The following DLG2 variants were observed in gnomAD, a reference collection of about 807,000 sequenced individuals.
DLG2 encodes discs large MAGUK scaffold protein 2.
In DLG2, 45 loss-of-function variants were observed where a neutral mutation model predicts 132.5. The ratio of observed to expected loss-of-function variants is 0.34; its 90% CI spans 0.27 to 0.44. The LOEUF (loss-of-function observed/expected upper bound fraction) is 0.44. DLG2 is among the 20% of genes least tolerant of loss of function. The probability of loss-of-function intolerance (pLI) is 1.00; values close to 1 mark genes in which losing one functional copy is unlikely to be tolerated. For synonymous variants in DLG2, 424 were observed against 419.6 expected, an observed-to-expected ratio of 1.01 and a Z score of -0.13; for missense variants, 1,045 against 1,196.9, an observed-to-expected ratio of 0.87 and a Z score of 1.87.
At chr11:85,415,086 C>A (rs927427974) in intron 3 of DLG2, among the ~76,000 whole-genome samples, 1 of 152,130 alleles carries the variant, frequency 6.6e-6, no homozygotes, top group Non-Finnish European at 1.5e-5. Flanking sequence ...GATCAACTCC[C>A]ACTTATGAGT....
intron 4 of DLG2, among the ~76,000 whole-genome samples, chr11:85,229,184 C>T (rs559985613): frequency 1.5e-5 from 1 of 65,030 alleles, no homozygotes; most frequent in South Asian, 3.8e-4. Flanking sequence ...ATCAACAACA[C>T]AGTATTTTTT....
chr11:84,532,407 A>G (rs1282754371), intron 7 of DLG2, among the ~76,000 whole-genome samples: 1 of 152,130 alleles, frequency 6.6e-6, no homozygotes, highest in Admixed American at 6.5e-5. Flanking sequence ...CTACCTACTT[A>G]GCCTAAAGTT....
chr11:84,749,887 C>T lies in DLG2; in HGVS notation c.358-215156G>A, dbSNP rs762692942. Reference sequence around the variant, plus strand: ...GAATCAATGTAAAGCAGAATTTTCACAGTAATCCCTGTAAGGCAGAGATTA... The same window carrying T: ...GAATCAATGTAAAGCAGAATTTTCATAGTAATCCCTGTAAGGCAGAGATTA... On this transcript the variant is annotated intron_variant, in intron 6 of 27. Transcript: ENST00000376104. 3.0e-4 allele frequency among the ~76,000 whole-genome samples: 45 copies of T among 152,210 alleles called. No individual in the cohort carries two copies. In the Middle Eastern group the frequency reaches 0.014, roughly 46 times the overall value.
chr11:84,553,733 A>G (rs1462565541), intron 6 of DLG2, among the ~76,000 whole-genome samples: 3 of 152,234 alleles, frequency 2.0e-5, no homozygotes, highest in African/African-American at 7.2e-5. Context: ...AGGTTGGTAC[A>G]GTCTTAAACG....
chr11:85,529,022 A>C (rs2075000278), intron 3 of DLG2, among the ~76,000 whole-genome samples: 1 of 152,238 alleles, frequency 6.6e-6, no homozygotes, highest in Non-Finnish European at 1.5e-5. Flanking sequence ...GTATAGCTGT[A>C]TGCAACTACA....
chr11:84,743,791 C>A (rs2065001810), intron 6 of DLG2, among the ~76,000 whole-genome samples: 2 of 151,764 alleles, frequency 1.3e-5, no homozygotes, highest in Admixed American at 6.6e-5. Flanking sequence ...GTGGCACGAT[C>A]TTGGCTCACT....
intron 3 of DLG2, among the ~76,000 whole-genome samples, chr11:85,381,282 T>G (rs941699055): frequency 6.6e-6 from 1 of 152,150 alleles, no homozygotes; most frequent in African/African-American, 2.4e-5. Flanking sequence ...TATTTGTATG[T>G]TAGTTCAATG....
At chr11:84,086,703 T>C (rs2096988271) in intron 10 of DLG2, among the ~76,000 whole-genome samples, 1 of 152,056 alleles carries the variant, frequency 6.6e-6, no homozygotes, top group Admixed American at 6.5e-5. Context: ...TTGTAGAGGC[T>C]GGCCTCCAAC....
At chr11:83,900,836 T>C (rs1220609027) in intron 15 of DLG2, among the ~76,000 whole-genome samples, 1 of 152,114 alleles carries the variant, frequency 6.6e-6, no homozygotes, top group African/African-American at 2.4e-5. Context: ...GACCCCAGAA[T>C]GGTAGATCCA....
At chr11:85,066,495 C>CA (rs1303228678) in intron 6 of DLG2, among the ~76,000 whole-genome samples, 1 of 151,316 alleles carries the variant, frequency 6.6e-6, no homozygotes, top group Non-Finnish European at 1.5e-5. Context: ...ACAACAACAA[C>CA]AAAAAATTAT....
chr11:85,223,863 T>C (rs2074814923), intron 4 of DLG2, among the ~76,000 whole-genome samples: 1 of 152,104 alleles, frequency 6.6e-6, no homozygotes, highest in African/African-American at 2.4e-5. Flanking sequence ...GTAAAATGTG[T>C]GCTTACAATA....
chr11:84,366,727 A>G (rs943333821), intron 7 of DLG2, among the ~76,000 whole-genome samples: 2 of 152,188 alleles, frequency 1.3e-5, no homozygotes, highest in Non-Finnish European at 2.9e-5. Context: ...GCCATTACAT[A>G]ATGGTAAAGG....
At chr11:83,853,460 A>G (rs1324384374) in intron 16 of DLG2, among the ~76,000 whole-genome samples, 1 of 152,178 alleles carries the variant, frequency 6.6e-6, no homozygotes, top group East Asian at 1.9e-4. Context: ...TGTGGCTAGG[A>G]TTATTACCAT....
intron 6 of DLG2, among the ~76,000 whole-genome samples, chr11:84,749,620 C>T (rs970250661): frequency 6.6e-6 from 1 of 152,110 alleles, no homozygotes; most frequent in Non-Finnish European, 1.5e-5. Context: ...TGTGTAAGTA[C>T]ACTCTATGAT....
intron 20 of DLG2, among the ~76,000 whole-genome samples, chr11:83,533,325 T>C (rs575616020): frequency 3.3e-5 from 5 of 152,360 alleles, no homozygotes; most frequent in African/African-American, 1.2e-4. Flanking sequence ...CTACCTCATT[T>C]ATTCATTAAA....
intron 4 of DLG2, among the ~76,000 whole-genome samples, chr11:85,272,998 TG>T (rs2077641287): frequency 1.3e-5 from 2 of 152,242 alleles, no homozygotes; most frequent in South Asian, 4.1e-4. Flanking sequence ...AAACAAGAAA[TG>T]GGGAAAGGAT....
intron 11 of DLG2, among the ~76,000 whole-genome samples, chr11:84,032,299 T>C (rs1322413562): frequency 6.6e-6 from 1 of 151,910 alleles, no homozygotes; most frequent in Non-Finnish European, 1.5e-5. Flanking sequence ...AAAGGAAGAG[T>C]TCTTGAAGGA....
At chr11:84,741,895 GA>G (rs1453793725) in intron 6 of DLG2, among the ~76,000 whole-genome samples, 2 of 151,948 alleles carry the variant, frequency 1.3e-5, no homozygotes, top group African/African-American at 4.8e-5. Context: ...AGATAGAAGA[GA>G]ATACAAATAG....
intron 5 of DLG2, among the ~76,000 whole-genome samples, chr11:85,116,403 T>C (rs1043411444): frequency 6.6e-5 from 10 of 151,880 alleles, no homozygotes; most frequent in African/African-American, 2.4e-4. Context: ...TATAGAGATA[T>C]AATATATATC....
Sources: gnomAD v4.1 joint callset for allele counts (sites outside exome capture counted in the v4.1 genomes callset) on GRCh38, gnomAD v4.1.1 for gene constraint, MANE v1.5 for transcripts, NCBI Gene and HGNC (gene_info 2026-07-23, HGNC 2026-07-21) for gene names.